The following MAST4 variants were observed in gnomAD, a reference collection of about 807,000 sequenced individuals.
MAST4 encodes the protein microtubule associated serine/threonine kinase family member 4, also known as microtubule-associated serine/threonine-protein kinase 4.
MAST4 carries 89 observed loss-of-function variants against 162.7 expected under a neutral mutation model. The observed-to-expected ratio is 0.55, with a 90% CI of 0.46 to 0.65. The LOEUF is 0.65. Among genes scored for constraint, MAST4 ranks in the 30% least tolerant of loss-of-function variants. The pLI, the probability that MAST4 is intolerant of heterozygous loss-of-function variation, is 0.00. For synonymous variants in MAST4, 1,479 were observed against 1,361.1 expected (o/e 1.09, Z -1.91); for missense variants, 3,153 against 3,374.0 (o/e 0.93, Z 1.62).
chr5:66,917,970 G>A (rs979151679), intron 4 of MAST4, among the ~76,000 whole-genome samples: 1 of 151,998 alleles, frequency 6.6e-6, no homozygotes. Flanking sequence ...TACTTAATAC[G>A]TAGAACCAAA....
chr5:66,611,522 A>G (rs1743287960), intron 1 of MAST4, among the ~76,000 whole-genome samples: 1 of 152,254 alleles, frequency 6.6e-6, no homozygotes, highest in Non-Finnish European at 1.5e-5. Flanking sequence ...AGGCCCCATC[A>G]AAGTAGTCTA....
intron 1 of MAST4, among the ~76,000 whole-genome samples, chr5:66,617,747 C>G (rs1008742537): frequency 4.6e-5 from 7 of 152,176 alleles, no homozygotes; most frequent in African/African-American, 1.7e-4. Context: ...ATCCACCCCT[C>G]CGCATGGTAC....
chr5:66,998,675 C>G (rs760811617), intron 4 of MAST4, among the ~76,000 whole-genome samples: 1 of 152,192 alleles, frequency 6.6e-6, no homozygotes, highest in East Asian at 1.9e-4. Flanking sequence ...CCCCTTCACC[C>G]CCAATCCTTT....
At chr5:66,963,560 G>A in intron 4 of MAST4, 1 of 562,512 alleles carries the variant, frequency 1.8e-6, no homozygotes, top group Non-Finnish European at 3.2e-6. Context: ...GAGCTGAAAA[G>A]GGCAAGTGAT....
chr5:66,855,367 C>G (rs1009981117), intron 3 of MAST4, among the ~76,000 whole-genome samples: 1 of 152,186 alleles, frequency 6.6e-6, no homozygotes, highest in Non-Finnish European at 1.5e-5. Context: ...ATGCCAGCAC[C>G]AACCTCTTTT....
chr5:67,066,488 T>G (rs1581415818), intron 5 of MAST4, among the ~76,000 whole-genome samples: 1 of 151,740 alleles, frequency 6.6e-6, no homozygotes, highest in East Asian at 1.9e-4. Context: ...TAATTTTATG[T>G]CTATATCATT....
chr5:67,091,284 T>C (rs1322864117), intron 6 of MAST4, among the ~76,000 whole-genome samples: 1 of 152,240 alleles, frequency 6.6e-6, no homozygotes, highest in Admixed American at 6.5e-5. Context: ...AAGATTTCAT[T>C]ATAAATCTGA....
intron 1 of MAST4, among the ~76,000 whole-genome samples, chr5:66,743,070 C>T (rs559758872): frequency 4.6e-5 from 7 of 152,166 alleles, no homozygotes; most frequent in Admixed American, 3.9e-4. Flanking sequence ...CTGCGCGGCT[C>T]ACCAGCTTCC....
intron 4 of MAST4, among the ~76,000 whole-genome samples, chr5:67,027,938 T>C (rs1754858117): frequency 6.6e-6 from 1 of 152,172 alleles, no homozygotes; most frequent in African/African-American, 2.4e-5. Context: ...GTTGAGCACC[T>C]TCCATGTGTT....
chr5:66,977,672 T>G (rs1471037684), intron 4 of MAST4, among the ~76,000 whole-genome samples: 2 of 152,210 alleles, frequency 1.3e-5, no homozygotes, highest in East Asian at 3.9e-4. Context: ...AGTTCTGCTC[T>G]TGGGTTTACA....
intron 3 of MAST4, among the ~76,000 whole-genome samples, chr5:66,848,630 T>C (rs1168565912): frequency 6.6e-6 from 1 of 152,244 alleles, no homozygotes; most frequent in African/African-American, 2.4e-5. Flanking sequence ...ATAATTGTTC[T>C]CATCTGTCGA....
chr5:66,997,177 G>A (rs1162491621), intron 4 of MAST4, among the ~76,000 whole-genome samples: 1 of 151,836 alleles, frequency 6.6e-6, no homozygotes, highest in African/African-American at 2.4e-5. Context: ...ATATGTACAT[G>A]TATATATGGA....
At chr5:66,976,852 G>T (rs781612799) in intron 4 of MAST4, among the ~76,000 whole-genome samples, 24 of 150,502 alleles carry the variant, frequency 1.6e-4, no homozygotes, top group Admixed American at 2.6e-4. Flanking sequence ...ATAGAATATG[G>T]ATAACTAAGT....
At chr5:67,069,287 G>GATAGATAGATATATATATATAT (rs1554091653) in intron 5 of MAST4, among the ~76,000 whole-genome samples, 1 of 107,648 alleles carries the variant, frequency 9.3e-6, no homozygotes, top group African/African-American at 4.1e-5. Flanking sequence ...GAGGAGATTG[G>GATAGATAGATATATATATATAT]ATATATATAT....
chr5:66,729,379 A>G lies in MAST4; in HGVS notation c.364-30330A>G, dbSNP rs1057217126. The stretch of plus-strand genomic sequence containing the variant: ...CTGAACAGGCTTTGTTAGATAAATG[A>G]TGCTGTTGATTAGCTTTATGCCTTG... On this transcript the variant is annotated intron_variant, in intron 1 of 28. Transcript: ENST00000403625. Among the ~76,000 whole-genome samples, 6 of 152,320 alleles carry G rather than the reference A, an allele frequency of 3.9e-5. No individual in the cohort carries two copies. In the South Asian group the frequency reaches 1.0e-3, roughly 26 times the overall value.
intron 1 of MAST4, among the ~76,000 whole-genome samples, chr5:66,649,478 C>A (rs1746074399): frequency 6.6e-6 from 1 of 152,104 alleles, no homozygotes; most frequent in Non-Finnish European, 1.5e-5. Flanking sequence ...ATCTGTGATG[C>A]CTTTGATCGA....
chr5:66,865,009 G>C lies in MAST4; in HGVS notation c.643-34942G>C, dbSNP rs1016871361. Among the ~76,000 whole-genome samples the C allele has an allele frequency of 2.0e-5, 3 of 152,136 alleles. No individual in the cohort carries two copies. The South Asian group carries it at 6.2e-4, about 32-fold the overall frequency. On this transcript the variant is annotated intron_variant, in intron 3 of 28. Coordinates refer to ENST00000403625, the MANE Select transcript of MAST4 (RefSeq NM_001164664.2). ...CATTAGACATGGGGCAGTGCTAGTTGTTTGGCCCATGAAAGAGAGAACAGG... is the reference window on the plus strand; with the variant it reads ...CATTAGACATGGGGCAGTGCTAGTTCTTTGGCCCATGAAAGAGAGAACAGG...
chr5:66,983,373 G>A (rs1749093659), intron 4 of MAST4, among the ~76,000 whole-genome samples: 1 of 152,208 alleles, frequency 6.6e-6, no homozygotes, highest in Admixed American at 6.5e-5. Flanking sequence ...TGACTTTGGA[G>A]CTGATCATTT....
intron 1 of MAST4, among the ~76,000 whole-genome samples, chr5:66,679,534 G>C (rs2149482917): frequency 6.6e-6 from 1 of 151,838 alleles, no homozygotes; most frequent in South Asian, 2.1e-4. Context: ...TCGCTGAAGA[G>C]GAGACCTGGT....
Sources: gnomAD v4.1 joint callset for allele counts (sites outside exome capture counted in the v4.1 genomes callset) on GRCh38, gnomAD v4.1.1 for gene constraint, MANE v1.5 for transcripts, NCBI Gene and HGNC (gene_info 2026-07-23, HGNC 2026-07-21) for gene names.